GRM7: variants seen among roughly 807,000 people sequenced by gnomAD.
GRM7 encodes the protein metabotropic glutamate receptor 7.
GRM7 carries 35 observed loss-of-function variants against 84.5 expected under a neutral mutation model. That is an observed-to-expected ratio of 0.41 (90% CI 0.32 to 0.55). The LOEUF (loss-of-function observed/expected upper bound fraction) is 0.55. Ranked by LOEUF, GRM7 falls within the 20% of genes least tolerant of loss-of-function variation. The pLI, the probability that GRM7 is intolerant of heterozygous loss-of-function variation, is 0.19. For synonymous variants in GRM7, 487 were observed against 455.1 expected (o/e 1.07, Z -0.89); for missense variants, 1,003 against 1,194.6 (o/e 0.84, Z 2.36).
intron 2 of GRM7, among the ~76,000 whole-genome samples, chr3:7,254,303 C>A (rs1167208374): frequency 6.6e-6 from 1 of 152,122 alleles, no homozygotes. Context: ...CTGGGTCCCA[C>A]CAATTTTGTA....
intron 7 of GRM7, chr3:7,520,052 G>A (rs912400355): frequency 2.0e-5 from 3 of 152,156 alleles, no homozygotes; most frequent in African/African-American, 2.4e-5. Context: ...TGGAAGATAC[G>A]GTCCAAGGAT....
At chr3:7,682,895 T>A (rs1458983885) in intron 9 of GRM7, among the ~76,000 whole-genome samples, 2 of 152,192 alleles carry the variant, frequency 1.3e-5, no homozygotes, top group Non-Finnish European at 2.9e-5. Flanking sequence ...TCACAGTAGA[T>A]CTATAGAATA....
At chr3:7,483,044 A>C (rs1027846707) in intron 7 of GRM7, among the ~76,000 whole-genome samples, 7 of 152,182 alleles carry the variant, frequency 4.6e-5, no homozygotes, top group Non-Finnish European at 1.0e-4. Context: ...CAAATAAGGA[A>C]AGAAGTAACA....
intron 1 of GRM7, among the ~76,000 whole-genome samples, chr3:7,034,888 G>A (rs1410570328): frequency 6.6e-6 from 1 of 152,204 alleles, no homozygotes. Context: ...TGTGGAGAAG[G>A]AAGTCTCAGA....
At chr3:7,647,155 A>C (rs1575590679) in intron 8 of GRM7, among the ~76,000 whole-genome samples, 1 of 152,124 alleles carries the variant, frequency 6.6e-6, no homozygotes, top group Non-Finnish European at 1.5e-5. Context: ...GTGGGTGTGG[A>C]CCCTCAGCCA....
At chr3:7,714,262 C>T (rs556386691) in intron 9 of GRM7, among the ~76,000 whole-genome samples, 66 of 152,160 alleles carry the variant, frequency 4.3e-4, no homozygotes, top group African/African-American at 1.6e-3. Flanking sequence ...AAGAGTAGGA[C>T]AACTGAGGCA....
chr3:6,870,671 A>C (rs1490644503), intron 1 of GRM7, among the ~76,000 whole-genome samples: 1 of 152,140 alleles, frequency 6.6e-6, no homozygotes, highest in East Asian at 1.9e-4. Flanking sequence ...TTTCCAGGTA[A>C]GATCGATGGT....
chr3:6,967,248 A>G (rs899655040), intron 1 of GRM7, among the ~76,000 whole-genome samples: 5 of 152,038 alleles, frequency 3.3e-5, no homozygotes, highest in Non-Finnish European at 7.4e-5. Flanking sequence ...GAATGCATTG[A>G]CACAATCACA....
intron 1 of GRM7, among the ~76,000 whole-genome samples, chr3:6,998,377 A>G (rs1694899523): frequency 6.6e-6 from 1 of 152,100 alleles, no homozygotes; most frequent in African/African-American, 2.4e-5. Context: ...TTGGCAGGGT[A>G]CAGTCCCCCC....
At chr3:7,007,836 C>T (rs1695231962) in intron 1 of GRM7, among the ~76,000 whole-genome samples, 2 of 152,162 alleles carry the variant, frequency 1.3e-5, no homozygotes, top group African/African-American at 4.8e-5. Context: ...TGAAACTGCA[C>T]AGAGGTTTGA....
chr3:7,648,982 TC>T (rs926401195), intron 8 of GRM7, among the ~76,000 whole-genome samples: 3 of 150,280 alleles, frequency 2.0e-5, no homozygotes, highest in Admixed American at 6.6e-5. Context: ...ACTCATTGTT[TC>T]CCCCCAGGCC....
intron 1 of GRM7, among the ~76,000 whole-genome samples, chr3:6,945,976 T>C (rs956915649): frequency 6.6e-6 from 1 of 152,122 alleles, no homozygotes; most frequent in Non-Finnish European, 1.5e-5. Context: ...GTCAGATGAG[T>C]AGGTTGCGAA....
At chr3:6,998,520 C>T (rs191870558) in intron 1 of GRM7, among the ~76,000 whole-genome samples, 27 of 152,308 alleles carry the variant, frequency 1.8e-4, no homozygotes, top group African/African-American at 6.5e-4. Flanking sequence ...TAGGCAGTGC[C>T]CCAGTGGGGA....
intron 4 of GRM7, among the ~76,000 whole-genome samples, chr3:7,311,611 T>TTTTG (rs1169592236): frequency 1.4e-3 from 213 of 151,584 alleles, no homozygotes; most frequent in African/African-American, 4.9e-3. Flanking sequence ...TTTTTTTTTT[T>TTTTG]GGGATGGAGT....
At chr3:7,644,006 GTA>G (rs1354776392) in intron 8 of GRM7, among the ~76,000 whole-genome samples, 3 of 88,344 alleles carry the variant, frequency 3.4e-5, no homozygotes, top group Admixed American at 1.2e-4. Context: ...TGTGCACCAT[GTA>G]TATATATATA....
rs1046075234 is a variant in GRM7 at position 7,188,096 on chromosome 3, G to GCTAT, written c.736+41429_736+41432dup. Among the ~76,000 whole-genome samples, 3 of 152,120 alleles carry GCTAT rather than the reference G, an allele frequency of 2.0e-5. No homozygotes were observed. The highest frequency in any genetic ancestry group is 7.2e-5 in the African/African-American group (3 of 41,432). ...GAGGAATGATGTGGGGTGGGTATTGGCTATTATACTTAGCATTATACTTGG... is the reference window on the plus strand; with the variant it reads ...GAGGAATGATGTGGGGTGGGTATTGGCTATCTATTATACTTAGCATTATACTTGG... On this transcript the variant is annotated intron_variant, in intron 2 of 9. Coordinates refer to ENST00000357716, the MANE Select transcript of GRM7 (RefSeq NM_000844.4). This position sits in a 1 kb window ranked among gnomAD's most constrained non-coding sequence, Gnocchi z 4.2.
intron 4 of GRM7, among the ~76,000 whole-genome samples, chr3:7,376,992 C>T (rs1694378519): frequency 6.6e-6 from 1 of 152,204 alleles, no homozygotes; most frequent in Middle Eastern, 3.2e-3. Context: ...GACGAAATCA[C>T]TTTCAGTTGA....
At chr3:7,244,844 C>G (rs975998440) in intron 2 of GRM7, among the ~76,000 whole-genome samples, 1 of 151,846 alleles carries the variant, frequency 6.6e-6, no homozygotes, top group Non-Finnish European at 1.5e-5. Context: ...TAGAAGCAAA[C>G]CAAGATAGAC....
intron 1 of GRM7, among the ~76,000 whole-genome samples, chr3:6,984,935 G>A (rs1694353425): frequency 1.3e-5 from 2 of 152,194 alleles, no homozygotes; most frequent in Admixed American, 1.3e-4. Flanking sequence ...TATCAGTGCA[G>A]CTCGGAAAAG....
Sources: gnomAD v4.1 joint callset for allele counts (sites outside exome capture counted in the v4.1 genomes callset) on GRCh38, gnomAD v4.1.1 for gene constraint, Gnocchi (gnomAD v3.1) non-coding constraint, MANE v1.5 for transcripts, NCBI Gene and HGNC (gene_info 2026-07-23, HGNC 2026-07-21) for gene names.